Variants in PID1 observed in about 807,000 individuals in gnomAD.
PID1 encodes the protein phosphotyrosine interaction domain containing 1.
Under a neutral mutation model 19.1 loss-of-function variants are expected in PID1, and 10 were observed. That is an observed-to-expected ratio of 0.52 (90% CI 0.32 to 0.89). The LOEUF (loss-of-function observed/expected upper bound fraction) is 0.89. Ranked by LOEUF, PID1 falls within the 40% of genes least tolerant of loss-of-function variation. PID1 has a pLI of 0.03. For synonymous variants in PID1, 130 were observed against 116.0 expected (o/e 1.12, Z -0.78); for missense variants, 248 against 285.3 (o/e 0.87, Z 0.94).
At chr2:229,253,522 A>C (rs1477734950) in intron 1 of PID1, among the ~76,000 whole-genome samples, 1 of 151,944 alleles carries the variant, frequency 6.6e-6, no homozygotes, top group Non-Finnish European at 1.5e-5. Context: ...GTACTACGGT[A>C]AAATGAGGAT....
chr2:229,075,490 A>C (rs1459040170), intron 2 of PID1, among the ~76,000 whole-genome samples: 1 of 152,190 alleles, frequency 6.6e-6, no homozygotes, highest in Non-Finnish European at 1.5e-5. Context: ...AACACAACAA[A>C]ACCTCCACAA....
intron 2 of PID1, among the ~76,000 whole-genome samples, chr2:229,096,688 AC>A (rs1694976717): frequency 6.6e-6 from 1 of 152,202 alleles, no homozygotes; most frequent in Non-Finnish European, 1.5e-5. Context: ...CCAGGGTCCT[AC>A]ATACTCAGAG....
chr2:229,195,069 T>C (rs72979140), intron 1 of PID1, among the ~76,000 whole-genome samples: 7,895 of 152,012 alleles, frequency 0.052, 272 homozygotes, highest in Non-Finnish European at 0.077. Flanking sequence ...GTCCATGAGG[T>C]TGAATCATTA....
chr2:229,157,195 C>T (rs150627323), intron 1 of PID1, among the ~76,000 whole-genome samples: 223 of 152,098 alleles, frequency 1.5e-3, no homozygotes, highest in African/African-American at 5.2e-3. Flanking sequence ...AGTGGGAGGC[C>T]AAGGAAAGGG....
At chr2:229,116,155 A>T (rs969593037) in intron 2 of PID1, among the ~76,000 whole-genome samples, 3 of 152,094 alleles carry the variant, frequency 2.0e-5, no homozygotes, top group Admixed American at 2.0e-4. Flanking sequence ...TGAACCTGGG[A>T]GGTGGAGCTT....
chr2:229,191,286 T>A (rs965795454), intron 1 of PID1, among the ~76,000 whole-genome samples: 2 of 152,142 alleles, frequency 1.3e-5, no homozygotes, highest in African/African-American at 4.8e-5. Flanking sequence ...TAAAGGAAAG[T>A]GTTCACAGGT....
chr2:229,121,697 G>A (rs1695524406), intron 2 of PID1, among the ~76,000 whole-genome samples: 1 of 152,160 alleles, frequency 6.6e-6, no homozygotes, highest in Non-Finnish European at 1.5e-5. Context: ...GGAGAGAGGA[G>A]TATGTGTATG....
chr2:229,177,143 T>C (rs1017040824), intron 1 of PID1, among the ~76,000 whole-genome samples: 6 of 152,136 alleles, frequency 3.9e-5, no homozygotes, highest in African/African-American at 1.4e-4. Flanking sequence ...AAGAATAGCA[T>C]GGTAAAGACC....
chr2:229,025,413 C>T lies in PID1; in HGVS notation c.*219G>A. The T allele has an allele frequency of 3.5e-6, 2 of 568,050 alleles. No homozygotes were observed. The highest frequency in any genetic ancestry group is 6.3e-6 in the Non-Finnish European group (2 of 318,188). The allele number at this position is 568,050 out of a possible 1,614,324, so 35.2% of individuals were successfully genotyped here. On this transcript the variant is annotated 3_prime_UTR_variant, in exon 3 of 3. Coordinates refer to ENST00000392055, the MANE Select transcript of PID1 (RefSeq NM_001100818.2). ...TAGAACCTTCCTCCCCATCCACACT[C>T]CCACCCTCCTCACAGTCACAGCAGC...
chr2:229,047,463 C>T (rs1281837055), intron 2 of PID1, among the ~76,000 whole-genome samples: 1 of 152,062 alleles, frequency 6.6e-6, no homozygotes. Context: ...AATTAGAAAA[C>T]AAAGGAATAA....
At chr2:229,145,155 G>GTGTA (rs1391018424) in intron 2 of PID1, among the ~76,000 whole-genome samples, 6 of 119,966 alleles carry the variant, frequency 5.0e-5, no homozygotes, top group Admixed American at 1.8e-4. Context: ...ATATGTATGT[G>GTGTA]TATATATATA....
chr2:229,203,530 TAAGTG>T (rs1333037075), intron 1 of PID1, among the ~76,000 whole-genome samples: 2 of 152,110 alleles, frequency 1.3e-5, no homozygotes, highest in African/African-American at 2.4e-5. Context: ...TTGACAATGT[TAAGTG>T]AAGACTTACT....
intron 1 of PID1, among the ~76,000 whole-genome samples, chr2:229,188,032 A>C (rs1230593689): frequency 6.6e-6 from 1 of 152,176 alleles, no homozygotes; most frequent in African/African-American, 2.4e-5. Flanking sequence ...ATTCCTATTG[A>C]CTTTTAAACC....
intron 2 of PID1, among the ~76,000 whole-genome samples, chr2:229,127,726 A>T (rs969965699): frequency 7.2e-5 from 11 of 152,274 alleles, no homozygotes; most frequent in Admixed American, 7.2e-4. Context: ...GTCTCCAGAC[A>T]TTGCCAAATG....
intron 2 of PID1, among the ~76,000 whole-genome samples, chr2:229,073,022 C>T (rs1342609301): frequency 2.0e-5 from 3 of 152,134 alleles, no homozygotes; most frequent in Non-Finnish European, 2.9e-5. Flanking sequence ...GTAATTGCTG[C>T]CATTTATTTA....
chr2:229,085,535 T>C (rs928803637), intron 2 of PID1, among the ~76,000 whole-genome samples: 1 of 152,192 alleles, frequency 6.6e-6, no homozygotes, highest in Non-Finnish European at 1.5e-5. Context: ...AGGTTCTGAA[T>C]CATTTTAGAA....
intron 2 of PID1, among the ~76,000 whole-genome samples, chr2:229,061,059 A>G (rs11898058): frequency 0.023 from 3,523 of 152,150 alleles, 147 homozygotes; most frequent in African/African-American, 0.082. Context: ...CAGTCTGTGC[A>G]TTGCCACTTC....
Position 229,077,876 on chromosome 2 carries a change from T to A in PID1, c.178-51768A>T, listed in dbSNP as rs553018096. Among the ~76,000 whole-genome samples, 3 of 152,320 alleles carry A rather than the reference T, an allele frequency of 2.0e-5. No individual in the cohort carries two copies. In the South Asian group the frequency reaches 6.2e-4, roughly 32 times the overall value. ...TTGTCTTGGCTATAAAGGCTCTTTT[T>A]TGGTTCCATGTGAAATTTAAAATAG... is the stretch of plus-strand genomic sequence containing the variant. On this transcript the variant is annotated intron_variant, in intron 2 of 2. Coordinates refer to ENST00000392055, the MANE Select transcript of PID1 (RefSeq NM_001100818.2).
At chr2:229,239,115 T>C (rs1471738018) in intron 1 of PID1, among the ~76,000 whole-genome samples, 1 of 152,088 alleles carries the variant, frequency 6.6e-6, no homozygotes, top group Non-Finnish European at 1.5e-5. Flanking sequence ...GAGAACAAGT[T>C]CTCAAACTTC....
Sources: gnomAD v4.1 joint callset for allele counts (sites outside exome capture counted in the v4.1 genomes callset) on GRCh38, gnomAD v4.1.1 for gene constraint, MANE v1.5 for transcripts, NCBI Gene and HGNC (gene_info 2026-07-23, HGNC 2026-07-21) for gene names.